Variants in SAMD12 observed in about 807,000 individuals in gnomAD.
SAMD12 encodes sterile alpha motif domain containing 12.
Under a neutral mutation model 15.0 loss-of-function variants are expected in SAMD12, and 9 were observed. That is an observed-to-expected ratio of 0.60 (90% CI 0.36 to 1.05). SAMD12 has a LOEUF of 1.05. Ranked by LOEUF, SAMD12 falls within the 50% of genes least tolerant of loss-of-function variation. The pLI is 0.01. For synonymous variants in SAMD12, 86 were observed against 90.1 expected (o/e 0.96, Z 0.25); for missense variants, 230 against 234.2 (o/e 0.98, Z 0.12).
At chr8:118,599,112 G>T (rs1019558312) in intron 1 of SAMD12, among the ~76,000 whole-genome samples, 12 of 152,140 alleles carry the variant, frequency 7.9e-5, no homozygotes, top group African/African-American at 2.9e-4. Flanking sequence ...GAGGAATGAG[G>T]TATACACAGA....
chr8:118,431,687 C>CGTGTGTGTGTGT (rs56898456), intron 3 of SAMD12, among the ~76,000 whole-genome samples: 1 of 147,468 alleles, frequency 6.8e-6, no homozygotes, highest in East Asian at 2.0e-4. Context: ...TTACCTTTGT[C>CGTGTGTGTGTGT]GTGTGTGTGT....
At chr8:118,189,694 A>G (rs780163757) in exon 5 of SAMD12, 32 of 152,188 alleles carry the variant, frequency 2.1e-4, no homozygotes, top group Admixed American at 1.8e-3. Flanking sequence ...AGAAGGAAAC[A>G]TAAGAATATA....
At chr8:118,142,502 C>T in the SAMD12 span, among the ~76,000 whole-genome samples, 8 of 152,298 alleles carry the variant, frequency 5.3e-5, no homozygotes, top group South Asian at 1.0e-3. Flanking sequence ...TCATATCTAT[C>T]GAATGCTTGC....
At chr8:118,578,804 A>C (rs1479391115) in intron 2 of SAMD12, among the ~76,000 whole-genome samples, 1 of 152,166 alleles carries the variant, frequency 6.6e-6, no homozygotes, top group Non-Finnish European at 1.5e-5. Flanking sequence ...TTTCTTTACT[A>C]AAGCCTCTAG....
chr8:118,223,306 A>G (rs1812120673), intron 4 of SAMD12, among the ~76,000 whole-genome samples: 1 of 152,150 alleles, frequency 6.6e-6, no homozygotes, highest in African/African-American at 2.4e-5. Flanking sequence ...TCTCCTATAC[A>G]TTAGGCCCAC....
chr8:118,393,113 C>T (rs1820370756), intron 3 of SAMD12, among the ~76,000 whole-genome samples: 1 of 152,178 alleles, frequency 6.6e-6, no homozygotes, highest in African/African-American at 2.4e-5. Flanking sequence ...CAATTTAATC[C>T]ACAGCAACAC....
chr8:118,427,128 G>T (rs148087283), intron 3 of SAMD12, among the ~76,000 whole-genome samples: 249 of 152,206 alleles, frequency 1.6e-3, no homozygotes, highest in African/African-American at 5.7e-3. Flanking sequence ...AAAACAAAAT[G>T]CAAATATGGA....
At chr8:118,232,212 A>T (rs1812326514) in intron 4 of SAMD12, among the ~76,000 whole-genome samples, 1 of 152,106 alleles carries the variant, frequency 6.6e-6, no homozygotes, top group African/African-American at 2.4e-5. Flanking sequence ...CATTTACTTA[A>T]AATCAAGGTT....
At chr8:118,428,318 C>T (rs1822295369) in intron 3 of SAMD12, among the ~76,000 whole-genome samples, 1 of 151,990 alleles carries the variant, frequency 6.6e-6, no homozygotes, top group Non-Finnish European at 1.5e-5. Flanking sequence ...GTAATCCCAG[C>T]TACATGTGAG....
At chr8:118,597,941 G>A (rs983491367) in intron 1 of SAMD12, among the ~76,000 whole-genome samples, 1 of 152,148 alleles carries the variant, frequency 6.6e-6, no homozygotes, top group East Asian at 1.9e-4. Flanking sequence ...CACAATGGCT[G>A]GCACGTGGGC....
In SAMD12 at chr8:118,499,204, G is replaced by T. The variant is rs116435656; in HGVS notation, c.193-59243C>A. 1.2e-3 allele frequency among the ~76,000 whole-genome samples: 187 copies of T among 152,266 alleles called. 1 individual carries two copies. Among genetic ancestry groups the T allele is most frequent in the African/African-American group, 3.3e-3 (138 of 41,554 alleles). ...CATAATGAACACAAATAGAGAAAGGGGGTACTTGGTCTCAAATTGGTAATT... is the reference window on the plus strand; with the variant it reads ...CATAATGAACACAAATAGAGAAAGGTGGTACTTGGTCTCAAATTGGTAATT... On this transcript the variant is annotated intron_variant, in intron 2 of 3. Coordinates refer to ENST00000314727, the MANE Select transcript of SAMD12 (RefSeq NM_207506.3).
chr8:118,282,370 G>C, intron 4 of SAMD12: 1 of 456,168 alleles, frequency 2.2e-6, no homozygotes, highest in South Asian at 1.5e-5. Context: ...TCTCGTATAG[G>C]CTGGTGTTGG....
chr8:118,522,187 CACACACACACAT>C (rs71292174), intron 2 of SAMD12, among the ~76,000 whole-genome samples: 8,224 of 126,916 alleles, frequency 0.065, 311 homozygotes, highest in South Asian at 0.18. Flanking sequence ...CATACACACA[CACACACACACAT>C]ACACACACAC....
At chr8:118,223,995 C>G (rs1812135037) in intron 4 of SAMD12, among the ~76,000 whole-genome samples, 1 of 152,166 alleles carries the variant, frequency 6.6e-6, no homozygotes, top group Non-Finnish European at 1.5e-5. Flanking sequence ...ATGCCAGGCT[C>G]TATTCTCGAT....
At chr8:118,225,325 C>G (rs560867271) in intron 4 of SAMD12, among the ~76,000 whole-genome samples, 1 of 152,094 alleles carries the variant, frequency 6.6e-6, no homozygotes, top group East Asian at 1.9e-4. Context: ...ACAAACCCAA[C>G]GAGAGCCTTC....
At chr8:118,394,140 G>C (rs760537453) in intron 3 of SAMD12, among the ~76,000 whole-genome samples, 34 of 152,172 alleles carry the variant, frequency 2.2e-4, no homozygotes, top group Non-Finnish European at 4.6e-4. Flanking sequence ...GCTCCTTAAA[G>C]AAAGTAACAA....
At chr8:118,265,518 A>G (rs1194208120) in intron 4 of SAMD12, among the ~76,000 whole-genome samples, 1 of 152,122 alleles carries the variant, frequency 6.6e-6, no homozygotes, top group African/African-American at 2.4e-5. Context: ...AAAGTGATCC[A>G]GAATGAGTTA....
At chr8:118,581,354 T>C (rs973077830) in intron 1 of SAMD12, among the ~76,000 whole-genome samples, 1 of 152,222 alleles carries the variant, frequency 6.6e-6, no homozygotes, top group African/African-American at 2.4e-5. Flanking sequence ...CTAAGCAATA[T>C]TTCTTAAGCA....
At chr8:118,412,309 A>T (rs372809471) in intron 3 of SAMD12, among the ~76,000 whole-genome samples, 1 of 152,146 alleles carries the variant, frequency 6.6e-6, no homozygotes, top group Admixed American at 6.5e-5. Flanking sequence ...TCTTATTGGA[A>T]ATTTCATCTC....
Sources: gnomAD v4.1 joint callset for allele counts (sites outside exome capture counted in the v4.1 genomes callset) on GRCh38, gnomAD v4.1.1 for gene constraint, MANE v1.5 for transcripts, NCBI Gene and HGNC (gene_info 2026-07-23, HGNC 2026-07-21) for gene names.